Variants in AKAP13 observed in about 807,000 individuals in gnomAD.
AKAP13 encodes the protein A-kinase anchoring protein 13, also known as A-kinase anchor protein 13.
A neutral mutation model predicts 264.5 loss-of-function variants in AKAP13; 80 were observed. That is an observed-to-expected ratio of 0.30 (90% CI 0.25 to 0.36). AKAP13 has a LOEUF of 0.36. Among genes scored for constraint, AKAP13 ranks in the 10% least tolerant of loss-of-function variants. The pLI is 1.00. For synonymous variants in AKAP13, 1,380 were observed against 1,250.2 expected (o/e 1.10, Z -2.19); for missense variants, 3,712 against 3,435.2 (o/e 1.08, Z -2.01).
chr15:85,669,590 A>G, intron 13 of AKAP13, 132 bp from the exon 14 acceptor site: 1 of 579,050 alleles, frequency 1.7e-6, no homozygotes, highest in Middle Eastern at 3.9e-4. Flanking sequence ...CTGTCTGACC[A>G]CAAGGCCTGT....
intron 1 of AKAP13, among the ~76,000 whole-genome samples, chr15:85,475,253 C>G (rs374813625): frequency 3.3e-5 from 5 of 152,106 alleles, no homozygotes; most frequent in Non-Finnish European, 4.4e-5. Context: ...TTCTTATTAC[C>G]GTAGGGATAG....
At chr15:85,437,936 T>C (rs1463024120) in intron 1 of AKAP13, among the ~76,000 whole-genome samples, 2 of 147,952 alleles carry the variant, frequency 1.4e-5, no homozygotes, top group African/African-American at 2.5e-5. Context: ...TCACCACTCC[T>C]ATTCAACATA....
chr15:85,445,036 C>G (rs2073851270), intron 1 of AKAP13, among the ~76,000 whole-genome samples: 1 of 152,110 alleles, frequency 6.6e-6, no homozygotes, highest in South Asian at 2.1e-4. Context: ...GAACTGTTCC[C>G]TTCTTTTCCC....
At chr15:85,617,880 C>T (rs2081010868) in intron 8 of AKAP13, among the ~76,000 whole-genome samples, 1 of 152,196 alleles carries the variant, frequency 6.6e-6, no homozygotes, top group Non-Finnish European at 1.5e-5. Flanking sequence ...TTTGATAAGC[C>T]TGAGCAAGAA....
chr15:85,639,401 G>C lies in AKAP13; in HGVS notation c.4189G>C (p.Glu1397Gln). ...AAACCGAGAAAACTGGTGTACAATA[G>C]AGCCATGCCCTGATGCAGCATCTCT... The part of the protein sequence containing the change: ...AINRENWCTI[E>Q]PCPDAASLLA... Residue 1397 changes from glutamate to glutamine, a missense_variant, in exon 9 of 37, where the codon GAG (glutamate) becomes CAG (glutamine). Physicochemically the swap from Glu to Gln is conservative, Grantham distance 29 (BLOSUM62 2). Around this residue, in one of 3 missense-constraint regions of AKAP13, gnomAD observed 2,759 missense variants for 2,411.7 expected, o/e 1.14. Coordinates refer to ENST00000394518, the MANE Select transcript of AKAP13 (RefSeq NM_007200.5). 1 of 1,612,414 alleles carries C rather than the reference G, an allele frequency of 6.2e-7. No homozygotes were observed. Among genetic ancestry groups the C allele is most frequent in the East Asian group, 2.2e-5 (1 of 44,854 alleles).
At chr15:85,627,285 T>A (rs939137314) in intron 8 of AKAP13, among the ~76,000 whole-genome samples, 1 of 152,186 alleles carries the variant, frequency 6.6e-6, no homozygotes, top group African/African-American at 2.4e-5. Context: ...GTACATCATC[T>A]TCTTCCCTCT....
rs996288717 is a variant in AKAP13 at position 85,674,767 on chromosome 15, T to G, written c.5101+4937T>G. Among the ~76,000 whole-genome samples, 4 of 152,200 alleles carry G rather than the reference T, an allele frequency of 2.6e-5. No homozygotes were observed. In the East Asian group the frequency reaches 7.7e-4, roughly 29 times the overall value. On this transcript the variant is annotated intron_variant, in intron 14 of 36. Coordinates refer to ENST00000394518, the MANE Select transcript of AKAP13 (RefSeq NM_007200.5). ...AGGCATCAGTGCTATTGAGGATATTTTATCTCTGTTTTCTGGATTTCTTCT... is the reference window on the plus strand; with the variant it reads ...AGGCATCAGTGCTATTGAGGATATTGTATCTCTGTTTTCTGGATTTCTTCT...
At chr15:85,670,637 A>G (rs1472480523) in intron 14 of AKAP13, 1 of 151,806 alleles carries the variant, frequency 6.6e-6, no homozygotes, top group Non-Finnish European at 1.5e-5. Flanking sequence ...TAATCTAAAA[A>G]GTTCCTCAGT....
chr15:85,413,304 C>T (rs1448310286), intron 1 of AKAP13, among the ~76,000 whole-genome samples: 2 of 152,176 alleles, frequency 1.3e-5, no homozygotes, highest in Admixed American at 6.5e-5. Flanking sequence ...AACTGGAAGA[C>T]TGTGGGCTTA....
intron 5 of AKAP13, among the ~76,000 whole-genome samples, chr15:85,555,946 C>A (rs1000899377): frequency 6.6e-6 from 1 of 152,076 alleles, no homozygotes; most frequent in Non-Finnish European, 1.5e-5. Flanking sequence ...ATAACAAAAA[C>A]CCTAATATAC....
intron 5 of AKAP13, chr15:85,555,414 T>C: frequency 1.6e-6 from 2 of 1,288,556 alleles, no homozygotes; most frequent in South Asian, 2.5e-5. Flanking sequence ...TGCTTTCCTC[T>C]ATTTTTAAAG....
At chr15:85,441,470 G>C (rs1233845330) in intron 1 of AKAP13, among the ~76,000 whole-genome samples, 1 of 151,822 alleles carries the variant, frequency 6.6e-6, no homozygotes, top group Admixed American at 6.6e-5. Context: ...TAATTTTCTT[G>C]ATGGTGTCTT....
At chr15:85,703,842 CA>C (rs58183279) in intron 17 of AKAP13, among the ~76,000 whole-genome samples, 26,535 of 137,730 alleles carry the variant, frequency 0.19, 3,227 homozygotes, top group Middle Eastern at 0.39. Flanking sequence ...GACTCCATCT[CA>C]AAAAAAAAAA....
chr15:85,396,496 A>T (rs920461249), intron 1 of AKAP13, among the ~76,000 whole-genome samples: 3 of 152,260 alleles, frequency 2.0e-5, no homozygotes, highest in South Asian at 2.1e-4. Context: ...GCATTATTTT[A>T]AAAAAAGCTT....
chr15:85,739,914 T>C (rs149076121), intron 33 of AKAP13, among the ~76,000 whole-genome samples: 188 of 152,352 alleles, frequency 1.2e-3, no homozygotes, highest in Admixed American at 2.6e-3. Flanking sequence ...TTCTGGAATT[T>C]CTGTTCTGTT....
intron 5 of AKAP13, among the ~76,000 whole-genome samples, chr15:85,564,548 A>G (rs1359110102): frequency 6.6e-6 from 1 of 152,166 alleles, no homozygotes; most frequent in African/African-American, 2.4e-5. Context: ...ACTTTTCACC[A>G]TCTGCTTAAT....
intron 16 of AKAP13, among the ~76,000 whole-genome samples, chr15:85,685,681 A>G (rs945417079): frequency 6.6e-6 from 1 of 152,144 alleles, no homozygotes; most frequent in African/African-American, 2.4e-5. Flanking sequence ...GTTTGTAAAG[A>G]TGAAGTCTTG....
At chr15:85,592,520 G>A (rs924056629) in intron 8 of AKAP13, among the ~76,000 whole-genome samples, 10 of 152,186 alleles carry the variant, frequency 6.6e-5, no homozygotes, top group African/African-American at 2.4e-4. Flanking sequence ...GTTTTGTGGT[G>A]TGTGTGTCAC....
intron 8 of AKAP13, among the ~76,000 whole-genome samples, chr15:85,617,785 A>G (rs1020742824): frequency 6.6e-6 from 1 of 152,244 alleles, no homozygotes; most frequent in Non-Finnish European, 1.5e-5. Flanking sequence ...TTATCTATAC[A>G]TTCAAGCCTA....
Sources: gnomAD v4.1 joint callset for allele counts (sites outside exome capture counted in the v4.1 genomes callset) on GRCh38, gnomAD v4.1.1 for gene constraint, gnomAD v4.1.1 regional missense constraint, MANE v1.5 for transcripts, NCBI Gene and HGNC (gene_info 2026-07-23, HGNC 2026-07-21) for gene names.